The following TCERG1L variants were observed in gnomAD, a reference collection of about 807,000 sequenced individuals.
The protein encoded by TCERG1L is transcription elongation regulator 1 like.
Under a neutral mutation model 56.3 loss-of-function variants are expected in TCERG1L, and 37 were observed. The ratio of observed to expected loss-of-function variants is 0.66; its 90% CI spans 0.51 to 0.87. The LOEUF (loss-of-function observed/expected upper bound fraction) is 0.87, where lower values mean the gene tolerates loss of function less well. Ranked by LOEUF, TCERG1L falls within the 40% of genes least tolerant of loss-of-function variation. The pLI is 0.00. For synonymous variants in TCERG1L, 324 were observed against 326.3 expected (o/e 0.99, Z 0.08); for missense variants, 799 against 774.2 (o/e 1.03, Z -0.38).
At position 131,166,780 on chromosome 10, in the gene TCERG1L, C is replaced by A. The variant is rs141424868; in HGVS notation, c.945+17G>T. 6.2e-7 allele frequency: 1 copy of A among 1,613,262 alleles called. No individual in the cohort carries two copies. Among genetic ancestry groups the A allele is most frequent in the Admixed American group, 1.7e-5 (1 of 59,990 alleles). The stretch of plus-strand genomic sequence containing the variant: ...GGGTTTTGTGTCTTTAACACACACA[C>A]GAGCCCCGAAACTGACCTTGTCTTC... On this transcript the variant is annotated intron_variant, in intron 5 of 11. Coordinates refer to ENST00000368642, the MANE Select transcript of TCERG1L (RefSeq NM_174937.4).
intron 3 of TCERG1L, among the ~76,000 whole-genome samples, chr10:131,275,137 C>T (rs1401629988): frequency 7.2e-5 from 11 of 152,288 alleles, no homozygotes; most frequent in Non-Finnish European, 1.5e-4. Flanking sequence ...GCCTGGCAGC[C>T]GGGCCTCCTC....
rs560147722 is a variant in TCERG1L at position 131,204,550 on chromosome 10, G to A, written c.857-37665C>T. The stretch of plus-strand genomic sequence containing the variant: ...GAAACTGTCCGTGATGGTGGGTCCT[G>A]GCTTCCCAGCAGCGGTGGCCACAGT... On this transcript the variant is annotated intron_variant, in intron 4 of 11. Transcript: ENST00000368642. Among the ~76,000 whole-genome samples, 4 of 152,334 alleles carry A rather than the reference G, an allele frequency of 2.6e-5. No individual in the cohort carries two copies. The South Asian group carries it at 8.3e-4, about 32-fold the overall frequency.
In TCERG1L at chr10:131,093,148, AT is replaced by A; in HGVS notation, c.*13del. ...CAGGGTCAACCCCCGGGCTTATTGCATTTTTTCACAAACTCATCTCATTTTC... is the reference window on the plus strand; with the variant it reads ...CAGGGTCAACCCCCGGGCTTATTGCATTTTTCACAAACTCATCTCATTTTC... On this transcript the variant is annotated 3_prime_UTR_variant, in exon 12 of 12. Transcript: ENST00000368642. 2 of 1,611,402 alleles carry A rather than the reference AT, an allele frequency of 1.2e-6. No individual in the cohort carries two copies. Among genetic ancestry groups the A allele is most frequent in the South Asian group, 1.1e-5 (1 of 90,700 alleles).
intron 4 of TCERG1L, among the ~76,000 whole-genome samples, chr10:131,257,353 G>C (rs1345810543): frequency 6.6e-6 from 1 of 152,358 alleles, no homozygotes; most frequent in Non-Finnish European, 1.5e-5. Context: ...CTCTGAAAGA[G>C]AAGCCCGGTT....
chr10:131,155,196 C>T (rs1317799688), intron 6 of TCERG1L, among the ~76,000 whole-genome samples: 4 of 152,224 alleles, frequency 2.6e-5, no homozygotes, highest in Admixed American at 6.5e-5. Flanking sequence ...CAAAATTCCC[C>T]TTGCCCTGGG....
chr10:131,276,099 T>C (rs903481575), intron 3 of TCERG1L, among the ~76,000 whole-genome samples: 3 of 152,158 alleles, frequency 2.0e-5, no homozygotes, highest in African/African-American at 7.2e-5. Flanking sequence ...TAGACAGCAT[T>C]CTCCTCCTGA....
chr10:131,171,721 C>T (rs905439203), intron 4 of TCERG1L, among the ~76,000 whole-genome samples: 1 of 152,166 alleles, frequency 6.6e-6, no homozygotes, highest in African/African-American at 2.4e-5. Flanking sequence ...CAGGCATGCG[C>T]CACCACACCT....
intron 4 of TCERG1L, among the ~76,000 whole-genome samples, chr10:131,181,112 G>T (rs1197193821): frequency 6.6e-6 from 1 of 152,200 alleles, no homozygotes; most frequent in African/African-American, 2.4e-5. Context: ...AGACCTCCGC[G>T]CTGCTCCCTG....
intron 6 of TCERG1L, chr10:131,162,878 A>G: frequency 2.7e-6 from 1 of 373,062 alleles, no homozygotes; most frequent in Non-Finnish European, 4.8e-6. Context: ...ATGCAACAGC[A>G]TTATCATTTT....
chr10:131,168,532 A>G (rs1453778058), intron 4 of TCERG1L, among the ~76,000 whole-genome samples: 4 of 152,344 alleles, frequency 2.6e-5, no homozygotes, highest in East Asian at 1.9e-4. Context: ...ACACTAAGGC[A>G]GCCCAGACGT....
At chr10:131,309,834 CAAAAAAAAAAAAAA>C (rs58892586) in intron 1 of TCERG1L, among the ~76,000 whole-genome samples, 3 of 49,822 alleles carry the variant, frequency 6.0e-5, no homozygotes, top group African/African-American at 2.6e-4. Context: ...GATTCTATGG[CAAAAAAAAAAAAAA>C]AAAAAAAAAA....
chr10:131,271,284 G>C (rs1431077070), intron 3 of TCERG1L, among the ~76,000 whole-genome samples: 1 of 152,220 alleles, frequency 6.6e-6, no homozygotes, highest in Non-Finnish European at 1.5e-5. Context: ...ATCAGGCCTA[G>C]TGAGCCAAGC....
At chr10:131,286,104 C>T (rs1478464202) in intron 3 of TCERG1L, among the ~76,000 whole-genome samples, 1 of 152,092 alleles carries the variant, frequency 6.6e-6, no homozygotes, top group African/African-American at 2.4e-5. Context: ...AATCTCACTC[C>T]TGAACATTAA....
chr10:131,290,831 G>A (rs575335253), intron 3 of TCERG1L, among the ~76,000 whole-genome samples: 3 of 152,098 alleles, frequency 2.0e-5, no homozygotes, highest in South Asian at 2.1e-4. Flanking sequence ...ATAATGTCGC[G>A]CACTACCACG....
At chr10:131,303,223 A>C (rs1589778412) in intron 3 of TCERG1L, among the ~76,000 whole-genome samples, 1 of 152,194 alleles carries the variant, frequency 6.6e-6, no homozygotes, top group East Asian at 1.9e-4. Context: ...CAATGGTTGA[A>C]CTAATTTACA....
chr10:131,203,778 C>T (rs2133478117), intron 4 of TCERG1L, among the ~76,000 whole-genome samples: 1 of 152,292 alleles, frequency 6.6e-6, no homozygotes, highest in Non-Finnish European at 1.5e-5. Flanking sequence ...TGGGGGCAGC[C>T]TGGGAAATGT....
chr10:131,147,532 G>T (rs1485144575), intron 6 of TCERG1L, among the ~76,000 whole-genome samples: 1 of 152,218 alleles, frequency 6.6e-6, no homozygotes, highest in Non-Finnish European at 1.5e-5. Flanking sequence ...TCGTGTCAGG[G>T]TGCTATTAGA....
At chr10:131,115,565 G>A (rs902013070) in intron 9 of TCERG1L, among the ~76,000 whole-genome samples, 1 of 53,586 alleles carries the variant, frequency 1.9e-5, no homozygotes, top group African/African-American at 5.9e-5. Flanking sequence ...GTTAATTCAG[G>A]CCTGACACGG....
chr10:131,123,141 G>A lies in TCERG1L; in HGVS notation c.1260-6207C>T, dbSNP rs778164787. Among the ~76,000 whole-genome samples the A allele has an allele frequency of 1.1e-4, 17 of 152,260 alleles. No homozygotes were observed. In the South Asian group the frequency reaches 1.2e-3, roughly 11 times the overall value. ...CTGCATGGGGCCCCTTGGTTAGCACGCGGCTGCTGATGTCTGCAGCGGGCC... is the reference window on the plus strand; with the variant it reads ...CTGCATGGGGCCCCTTGGTTAGCACACGGCTGCTGATGTCTGCAGCGGGCC... On this transcript the variant is annotated intron_variant, in intron 8 of 11. Coordinates refer to ENST00000368642, the MANE Select transcript of TCERG1L (RefSeq NM_174937.4).
Sources: gnomAD v4.1 joint callset for allele counts (sites outside exome capture counted in the v4.1 genomes callset) on GRCh38, gnomAD v4.1.1 for gene constraint, MANE v1.5 for transcripts, NCBI Gene and HGNC (gene_info 2026-07-23, HGNC 2026-07-21) for gene names.